The following PPP2R2D variants were observed in gnomAD, a reference collection of about 807,000 sequenced individuals.
PPP2R2D encodes the protein serine/threonine-protein phosphatase 2A 55 kDa regulatory subunit B delta isoform.
Under a neutral mutation model 31.1 loss-of-function variants are expected in PPP2R2D, and 9 were observed. The ratio of observed to expected loss-of-function variants is 0.29; its 90% confidence interval spans 0.17 to 0.51. The LOEUF (loss-of-function observed/expected upper bound fraction) is 0.51. Among genes scored for constraint, PPP2R2D ranks in the 20% least tolerant of loss-of-function variants. The pLI is 0.98. For synonymous variants in PPP2R2D, 179 were observed against 172.6 expected (o/e 1.04, Z -0.29); for missense variants, 391 against 465.6 (o/e 0.84, Z 1.48).
At chr10:131,943,668 G>C (rs2036482042) in intron 5 of PPP2R2D, among the ~76,000 whole-genome samples, 2 of 152,242 alleles carry the variant, frequency 1.3e-5, no homozygotes. Context: ...AGGACACACA[G>C]GAGAGGGAGC....
intron 3 of PPP2R2D, chr10:131,939,793 CA>C (rs72515746): frequency 0.27 from 76,679 of 283,162 alleles, 11,451 homozygotes; most frequent in East Asian, 0.46. Context: ...GAAAATACAG[CA>C]AGGCTGCATT....
chr10:131,940,782 A>G (rs1444417277), intron 5 of PPP2R2D, 88 bp downstream of exon 5: 6 of 669,814 alleles, frequency 9.0e-6, no homozygotes, highest in Non-Finnish European at 1.6e-5. Context: ...TGCGCGGTGG[A>G]GTACTGTGAG....
intron 2 of PPP2R2D, among the ~76,000 whole-genome samples, chr10:131,903,842 T>C (rs2035540548): frequency 6.6e-6 from 1 of 152,222 alleles, no homozygotes; most frequent in Non-Finnish European, 1.5e-5. Context: ...CAGGGATTGC[T>C]GAGCAGCAAG....
chr10:131,903,061 AC>A (rs2035527290), intron 2 of PPP2R2D, among the ~76,000 whole-genome samples: 1 of 151,840 alleles, frequency 6.6e-6, no homozygotes, highest in African/African-American at 2.4e-5. Context: ...TGGTTTCTTT[AC>A]TTAAAAAAAA....
chr10:131,932,904 A>G (rs1305491249), intron 2 of PPP2R2D, among the ~76,000 whole-genome samples: 4 of 152,208 alleles, frequency 2.6e-5, no homozygotes, highest in Admixed American at 2.0e-4. Context: ...CGACAGTTAC[A>G]GGAGTTTCTC....
chr10:131,962,768 C>T (rs2120121548), downstream of PPP2R2D, among the ~76,000 whole-genome samples: 1 of 152,358 alleles, frequency 6.6e-6, no homozygotes, highest in Non-Finnish European at 1.5e-5. Context: ...GCCTGCTGGG[C>T]TCCACCCCCA....
chr10:131,932,607 CG>C (rs1564817922), intron 2 of PPP2R2D, among the ~76,000 whole-genome samples: 2 of 124,010 alleles, frequency 1.6e-5, no homozygotes, highest in East Asian at 5.3e-4. Flanking sequence ...ATGGAGGTTG[CG>C]GTGAGCCAAG....
At chr10:131,904,369 G>T (rs954638732) in intron 2 of PPP2R2D, among the ~76,000 whole-genome samples, 45 of 152,192 alleles carry the variant, frequency 3.0e-4, no homozygotes, top group Non-Finnish European at 6.0e-4. Context: ...AATTAGCCGG[G>T]TGTGATGGCG....
At chr10:131,961,799 A>G (rs1427642404), downstream of PPP2R2D, among the ~76,000 whole-genome samples, 1 of 150,628 alleles carries the variant, frequency 6.6e-6, no homozygotes, top group Non-Finnish European at 1.5e-5. Context: ...TGTCATACCC[A>G]GGACGGGAAC....
intron 3 of PPP2R2D, among the ~76,000 whole-genome samples, chr10:131,937,216 C>T (rs964882926): frequency 2.0e-5 from 3 of 152,152 alleles, no homozygotes; most frequent in South Asian, 2.1e-4. Flanking sequence ...GTGCAGAAGA[C>T]GAGGTGGGAA....
At chr10:131,904,552 G>A (rs1419361429) in intron 2 of PPP2R2D, among the ~76,000 whole-genome samples, 2 of 152,138 alleles carry the variant, frequency 1.3e-5, no homozygotes, top group African/African-American at 2.4e-5. Flanking sequence ...GGTTTTTATC[G>A]TGCACTGCTG....
At chr10:131,905,927 C>G (rs1368178605) in intron 2 of PPP2R2D, among the ~76,000 whole-genome samples, 1 of 152,354 alleles carries the variant, frequency 6.6e-6, no homozygotes, top group East Asian at 1.9e-4. Context: ...TGTGAAAATG[C>G]TTTTGAAGGC....
In PPP2R2D at chr10:131,957,414, G is replaced by A. The variant is rs781968117; in HGVS notation, c.*1451G>A. 11 of 211,202 alleles carry A rather than the reference G, an allele frequency of 5.2e-5. No homozygotes were observed. The highest frequency in any genetic ancestry group is 9.7e-5 in the Non-Finnish European group (10 of 103,622). The allele number at this position is 211,202 out of a possible 1,614,324, so 13.1% of individuals were successfully genotyped here. A position where few individuals can be genotyped will look rare whatever the true frequency, so the allele number is the denominator to read the frequency against. On this transcript the variant is annotated 3_prime_UTR_variant, in exon 9 of 9. Transcript: ENST00000455566. ...CTCGTGCCCCTGTGGAGATGGAGGTGTGTGCTGATCCCCCATCCCATCCCC... is the reference window on the plus strand; with the variant it reads ...CTCGTGCCCCTGTGGAGATGGAGGTATGTGCTGATCCCCCATCCCATCCCC...
At chr10:131,943,888 C>CT (rs2036486195) in intron 5 of PPP2R2D, 80 bp from the exon 6 acceptor site, 1 of 686,100 alleles carries the variant, frequency 1.5e-6, no homozygotes, top group South Asian at 1.7e-5. Context: ...AACTTGTCCT[C>CT]TTTCGTTATC....
At chr10:131,908,653 T>G (rs1259719053) in intron 2 of PPP2R2D, among the ~76,000 whole-genome samples, 1 of 152,248 alleles carries the variant, frequency 6.6e-6, no homozygotes, top group Non-Finnish European at 1.5e-5. Flanking sequence ...ACTTACTCTT[T>G]TCTCATCTGT....
At chr10:131,923,919 G>GTGT (rs2036045558) in intron 2 of PPP2R2D, among the ~76,000 whole-genome samples, 1 of 151,998 alleles carries the variant, frequency 6.6e-6, no homozygotes, top group African/African-American at 2.4e-5. Context: ...ACCACAGCCG[G>GTGT]CTAACTTTTA....
intron 5 of PPP2R2D, among the ~76,000 whole-genome samples, chr10:131,942,177 A>G (rs2036453985): frequency 6.6e-6 from 1 of 151,772 alleles, no homozygotes; most frequent in South Asian, 2.1e-4. Flanking sequence ...TGCACACCCC[A>G]CCCTCAGAAA....
At chr10:131,970,804 CG>C in the PPP2R2D span, 1 of 1,614,208 alleles carries the variant, frequency 6.2e-7, no homozygotes, top group African/African-American at 1.3e-5. The surrounding 1 kb of genome is among the most constrained non-coding windows in gnomAD (Gnocchi z 4.1). Context: ...CGGGAAGAAA[CG>C]TGTCAGCTGA....
In PPP2R2D at chr10:131,932,646, CA is replaced by C. The variant is rs368610703; in HGVS notation, c.101-1790del. ...CGCGCCACTGTACTCCAGCCTGTCT[CA>C]AAAAAAAAAAAAAAAAAAAAACACA... On this transcript the variant is annotated intron_variant, in intron 2 of 8. Coordinates refer to ENST00000455566, the MANE Select transcript of PPP2R2D (RefSeq NM_018461.5). 8.8e-3 allele frequency among the ~76,000 whole-genome samples: 507 copies of C among 57,856 alleles called. 3 individuals are homozygous for C. Among genetic ancestry groups the C allele is most frequent in the African/African-American group, 0.026 (382 of 14,426 alleles). 38.0% of individuals were successfully genotyped at this position (57,856 alleles called of 152,430 possible).
Sources: gnomAD v4.1 joint callset for allele counts (sites outside exome capture counted in the v4.1 genomes callset) on GRCh38, gnomAD v4.1.1 for gene constraint, Gnocchi (gnomAD v3.1) non-coding constraint, MANE v1.5 for transcripts, NCBI Gene and HGNC (gene_info 2026-07-23, HGNC 2026-07-21) for gene names.